EPB41L3: variants seen among roughly 807,000 people sequenced by gnomAD.
EPB41L3 encodes erythrocyte membrane protein band 4.1 like 3, also known as band 4.1-like protein 3.
A neutral mutation model predicts 127.1 loss-of-function variants in EPB41L3; 57 were observed. That is an observed-to-expected ratio of 0.45 (90% CI 0.36 to 0.56). The LOEUF is 0.56. Ranked by LOEUF, EPB41L3 falls within the 20% of genes least tolerant of loss-of-function variation. The pLI is 0.00. For missense variants in EPB41L3, 1,273 were observed against 1,372.2 expected (o/e 0.93, Z 1.14); for synonymous variants, 572 against 549.5 (o/e 1.04, Z -0.57).
chr18:5,463,202 CTT>C (rs2084342847), intron 3 of EPB41L3, among the ~76,000 whole-genome samples: 2 of 152,202 alleles, frequency 1.3e-5, no homozygotes, highest in African/African-American at 4.8e-5. Flanking sequence ...GTTCTATTCT[CTT>C]AGCCTCCAAT....
intron 6 of EPB41L3, 34 bp downstream of exon 6, chr18:5,438,001 A>G (rs748046440): frequency 6.3e-7 from 1 of 1,594,194 alleles, no homozygotes. Context: ...CTCTCCCAAT[A>G]TGCTTGTCTT....
chr18:5,574,004 G>A (rs148541129), intron 3 of EPB41L3, among the ~76,000 whole-genome samples: 6 of 150,872 alleles, frequency 4.0e-5, no homozygotes, highest in South Asian at 2.1e-4. Flanking sequence ...TCCACCTCCC[G>A]GGTTCAAGCG....
chr18:5,444,733 G>C (rs1257203702), intron 4 of EPB41L3, among the ~76,000 whole-genome samples: 1 of 152,026 alleles, frequency 6.6e-6, no homozygotes, highest in East Asian at 1.9e-4. Context: ...ACAGTTTATG[G>C]GTTACAATCA....
At chr18:5,524,216 T>C (rs747152581) in intron 1 of EPB41L3, among the ~76,000 whole-genome samples, 2 of 152,030 alleles carry the variant, frequency 1.3e-5, no homozygotes, top group Non-Finnish European at 2.9e-5. Flanking sequence ...TTTCCTGAGA[T>C]GGAGTTTCAC....
At position 5,520,503 on chromosome 18, in the gene EPB41L3, T is replaced by C. The variant is rs1225606264; in HGVS notation, c.-12+23410A>G. Among the ~76,000 whole-genome samples the C allele has an allele frequency of 2.6e-5, 4 of 151,232 alleles. No homozygotes were observed. The East Asian group carries it at 7.8e-4, about 29-fold the overall frequency. ...AAAATGCTGCACTAATTAATTTTGG[T>C]CTTTTTCCTTCCAAGTTGTATCACC... On this transcript the variant is annotated intron_variant, in intron 1 of 22. Coordinates refer to ENST00000341928, the MANE Select transcript of EPB41L3 (RefSeq NM_012307.5).
intron 3 of EPB41L3, among the ~76,000 whole-genome samples, chr18:5,474,510 T>C (rs2086786628): frequency 6.6e-6 from 1 of 152,120 alleles, no homozygotes; most frequent in South Asian, 2.1e-4. Context: ...CTTTTACAGG[T>C]GACTATAAAT....
At chr18:5,536,351 C>G (rs2093571618) in intron 1 of EPB41L3, among the ~76,000 whole-genome samples, 1 of 151,044 alleles carries the variant, frequency 6.6e-6, no homozygotes, top group Admixed American at 6.6e-5. Context: ...GGCTGGACAA[C>G]AAGGCTTCAC....
chr18:5,608,460 A>T (rs1428553637), intron 3 of EPB41L3, among the ~76,000 whole-genome samples: 1 of 152,230 alleles, frequency 6.6e-6, no homozygotes, highest in Admixed American at 6.5e-5. Flanking sequence ...ACACTGCAAC[A>T]GAGTTGGGGA....
intron 2 of EPB41L3, among the ~76,000 whole-genome samples, chr18:5,612,867 A>C (rs1190278677): frequency 6.6e-6 from 1 of 152,162 alleles, no homozygotes; most frequent in Non-Finnish European, 1.5e-5. Flanking sequence ...CAGTCTCCTG[A>C]GTAGCTGGGA....
At chr18:5,426,315 G>A (rs966646296) in intron 9 of EPB41L3, among the ~76,000 whole-genome samples, 2 of 151,990 alleles carry the variant, frequency 1.3e-5, no homozygotes, top group Admixed American at 1.3e-4. Context: ...CCCTCCTGCC[G>A]AATGTCATCT....
chr18:5,549,801 G>A (rs1218686138), intron 3 of EPB41L3, among the ~76,000 whole-genome samples: 1 of 152,134 alleles, frequency 6.6e-6, no homozygotes, highest in East Asian at 1.9e-4. Context: ...AATCCCACAG[G>A]TGACAAAGTG....
intron 3 of EPB41L3, among the ~76,000 whole-genome samples, chr18:5,452,507 A>G (rs2146666876): frequency 6.6e-6 from 1 of 152,162 alleles, no homozygotes; most frequent in Non-Finnish European, 1.5e-5. Context: ...GTTAGCATAT[A>G]AGCATGTAGC....
chr18:5,565,453 C>A (rs1379900572), intron 3 of EPB41L3, among the ~76,000 whole-genome samples: 1 of 141,856 alleles, frequency 7.0e-6, no homozygotes, highest in African/African-American at 2.6e-5. Flanking sequence ...CTTCTCTTTT[C>A]TTTTTTTTTT....
chr18:5,470,311 A>T (rs978855996), intron 3 of EPB41L3, among the ~76,000 whole-genome samples: 2 of 152,338 alleles, frequency 1.3e-5, no homozygotes, highest in Non-Finnish European at 2.9e-5. Flanking sequence ...CCTTTGGCTC[A>T]TTTGGTCTTC....
At chr18:5,521,494 G>A (rs1270099090) in intron 1 of EPB41L3, 1 of 152,194 alleles carries the variant, frequency 6.6e-6, no homozygotes, top group Non-Finnish European at 1.5e-5. Context: ...GCACCACGAT[G>A]AGCATGGCTG....
chr18:5,518,986 A>G (rs2092872321), intron 1 of EPB41L3, among the ~76,000 whole-genome samples: 1 of 152,220 alleles, frequency 6.6e-6, no homozygotes, highest in Admixed American at 6.5e-5. Flanking sequence ...GCAAATTAAC[A>G]GTCAATCTGC....
In EPB41L3 at chr18:5,556,995, C is replaced by T. The variant is rs112455909; in HGVS notation, c.-306+55345G>A. Among the ~76,000 whole-genome samples the T allele has an allele frequency of 1.7e-4, 26 of 152,258 alleles. 2 individuals carry two copies. The highest frequency in any genetic ancestry group is 6.3e-4 in the African/African-American group (26 of 41,550). The stretch of plus-strand genomic sequence containing the variant: ...ACAGCTGGGGGGCCCCGGGGGTCTC[C>T]CTCCTTCCTCTCACCTCTGTGGACA... On this transcript the variant is annotated intron_variant, in intron 3 of 21. Coordinates refer to the EPB41L3 transcript ENST00000545076.
chr18:5,568,427 T>TAAAAA (rs555002375), intron 3 of EPB41L3, among the ~76,000 whole-genome samples: 7 of 109,294 alleles, frequency 6.4e-5, no homozygotes, highest in African/African-American at 1.8e-4. Context: ...CTCTGGATAG[T>TAAAAA]AAAAAAAAAA....
intron 3 of EPB41L3, among the ~76,000 whole-genome samples, chr18:5,448,314 C>T (rs564443727): frequency 2.6e-5 from 4 of 152,318 alleles, no homozygotes; most frequent in African/African-American, 9.6e-5. Context: ...CAGCCCTGGA[C>T]TGGATCCCTT....
Sources: allele counts gnomAD v4.1 joint callset (sites outside exome capture counted in the v4.1 genomes callset), GRCh38; gene constraint gnomAD v4.1.1; transcripts MANE v1.5; gene names NCBI Gene and HGNC (gene_info 2026-07-23, HGNC 2026-07-21).